TF: variants seen among roughly 807,000 people sequenced by gnomAD.
The protein encoded by TF is transferrin.
TF carries 55 observed loss-of-function variants against 82.4 expected under a neutral mutation model. That is an observed-to-expected ratio of 0.67 (90% CI 0.54 to 0.84). TF has a LOEUF of 0.84. Among genes scored for constraint, TF ranks in the 40% least tolerant of loss-of-function variants. TF has a pLI of 0.00. For synonymous variants in TF, 332 were observed against 332.6 expected, an observed-to-expected ratio of 1.00 and a Z score of 0.02; for missense variants, 737 against 868.4, an observed-to-expected ratio of 0.85 and a Z score of 1.90.
the TF span, among the ~76,000 whole-genome samples, chr3:133,695,645 T>C: frequency 3.9e-5 from 6 of 152,210 alleles, no homozygotes; most frequent in Non-Finnish European, 7.3e-5. Flanking sequence ...AGCTCATTAA[T>C]GCCACAGGAG....
At chr3:133,711,600 C>A in the TF span, among the ~76,000 whole-genome samples, 3 of 152,232 alleles carry the variant, frequency 2.0e-5, no homozygotes, top group South Asian at 6.2e-4. Context: ...TCTCCCTCCC[C>A]TTTGTGCTCC....
At chr3:133,749,985 G>T (rs7628133) in intron 2 of TF, among the ~76,000 whole-genome samples, 3,607 of 152,252 alleles carry the variant, frequency 0.024, 147 homozygotes, top group African/African-American at 0.082. Context: ...CAGTTCTCTC[G>T]ATTAGGACTC....
chr3:133,793,925 C>T lies in TF; in HGVS notation c.*15305C>T, dbSNP rs922897957. 2 of 152,064 alleles carry T rather than the reference C, an allele frequency of 1.3e-5. No individual in the cohort carries two copies. The highest frequency in any genetic ancestry group is 2.4e-5 in the African/African-American group (1 of 41,418). 9.4% of individuals were successfully genotyped at this position (152,064 alleles called of 1,614,324 possible). On this transcript the variant is annotated 3_prime_UTR_variant, in exon 17 of 17. Transcript: ENST00000402696. ...TGACTGAGTTCTAAAACTGCTAACCCAAGTAGAACAAAAATTAATTAAATA... is the reference window on the plus strand; with the variant it reads ...TGACTGAGTTCTAAAACTGCTAACCTAAGTAGAACAAAAATTAATTAAATA...
At chr3:133,694,198 T>C in the TF span, 6 of 152,934 alleles carry the variant, frequency 3.9e-5, no homozygotes, top group East Asian at 1.9e-4. Flanking sequence ...CTGGGGTCCA[T>C]GTCTCTGTGT....
At chr3:133,692,837 G>C in the TF span, 1 of 155,480 alleles carries the variant, frequency 6.4e-6, no homozygotes, top group Non-Finnish European at 1.4e-5. Flanking sequence ...AGCTGAGCCA[G>C]CTCCAAGGCA....
At chr3:133,669,007 C>CTT in the TF span, among the ~76,000 whole-genome samples, 27 of 151,240 alleles carry the variant, frequency 1.8e-4, no homozygotes, top group African/African-American at 6.1e-4. Flanking sequence ...TTTCTTTTTT[C>CTT]TTTTTTTTTC....
chr3:133,754,386 G>T lies in TF; in HGVS notation c.326-109G>T, dbSNP rs1486864196. ...TCCCCACTCCTTATCGCCCAGTCCA[G>T]TAAAAGCATGGCCTCTCCGCTCCCC... is the stretch of plus-strand genomic sequence containing the variant. On this transcript the variant is annotated intron_variant, in intron 3 of 16. Coordinates refer to ENST00000402696, the MANE Select transcript of TF (RefSeq NM_001063.4). The T allele has an allele frequency of 1.1e-5, 13 of 1,176,266 alleles. No individual in the cohort carries two copies. The East Asian group carries it at 3.0e-4, about 28-fold the overall frequency. The allele number at this position is 1,176,266 out of a possible 1,614,324, so 72.9% of individuals were successfully genotyped here. A position where few individuals can be genotyped will look rare whatever the true frequency, so the allele number is the denominator to read the frequency against.
Position 133,789,879 on chromosome 3 carries a change from G to GTTTTTTTTT in TF, c.*11280_*11288dup, listed in dbSNP as rs56267966. 4.0e-4 allele frequency: 36 copies of GTTTTTTTTT among 88,962 alleles called. 2 individuals are homozygous for GTTTTTTTTT. Among genetic ancestry groups the GTTTTTTTTT allele is most frequent in the African/African-American group, 5.5e-4 (10 of 18,256 alleles). 5.5% of individuals were successfully genotyped at this position (88,962 alleles called of 1,614,324 possible). On this transcript the variant is annotated 3_prime_UTR_variant, in exon 17 of 17. Coordinates refer to ENST00000402696, the MANE Select transcript of TF (RefSeq NM_001063.4). ...GCCAAAACAAAACGATCTCGTTTGCGTTTTTTTTTTTTTTTTTTTTTTTTT... is the reference window on the plus strand; with the variant it reads ...GCCAAAACAAAACGATCTCGTTTGCGTTTTTTTTTTTTTTTTTTTTTTTTTTTTTTTTTT...
chr3:133,691,133 C>T, the TF span, among the ~76,000 whole-genome samples: 91,290 of 151,976 alleles, frequency 0.6, 28,214 homozygotes, highest in African/African-American at 0.75. Context: ...AAATGTCAGT[C>T]AATAAATGAA....
At chr3:133,669,563 G>A in the TF span, among the ~76,000 whole-genome samples, 2 of 151,938 alleles carry the variant, frequency 1.3e-5, no homozygotes. Flanking sequence ...TGTCACATCC[G>A]AGCTTGATCC....
chr3:133,782,967 T>C lies in TF; in HGVS notation c.*4347T>C, dbSNP rs1251256237. 1 of 152,092 alleles carries C rather than the reference T, an allele frequency of 6.6e-6. No individual in the cohort carries two copies. The highest frequency in any genetic ancestry group is 1.5e-5 in the Non-Finnish European group (1 of 68,058). The allele number at this position is 152,092 out of a possible 1,614,324, so 9.4% of individuals were successfully genotyped here. A position where few individuals can be genotyped will look rare whatever the true frequency, so the allele number is the denominator to read the frequency against. ...GGGAGGTCGAGGCTGCAGTGAGCAGTGATTTGATCGTGCCACTGCACTCCA... is the reference window on the plus strand; with the variant it reads ...GGGAGGTCGAGGCTGCAGTGAGCAGCGATTTGATCGTGCCACTGCACTCCA... On this transcript the variant is annotated 3_prime_UTR_variant, in exon 17 of 17. Transcript: ENST00000402696.
At chr3:133,748,148 A>G (rs1933556299) in intron 1 of TF, 2 of 528,716 alleles carry the variant, frequency 3.8e-6, no homozygotes, top group South Asian at 2.0e-5. Context: ...GCAGATTGTC[A>G]TCTCCAGCTG....
chr3:133,742,707 C>T (rs1800276), upstream of TF, among the ~76,000 whole-genome samples: 7,373 of 152,192 alleles, frequency 0.048, 203 homozygotes, highest in South Asian at 0.13. Context: ...GGGTGGGGGA[C>T]AGGAGGAACT....
chr3:133,732,212 G>GA, the TF span, among the ~76,000 whole-genome samples: 1 of 152,234 alleles, frequency 6.6e-6, no homozygotes, highest in African/African-American at 2.4e-5. Flanking sequence ...ATAACTCTAT[G>GA]AAGCAGGCAT....
At chr3:133,724,937 C>G in the TF span, among the ~76,000 whole-genome samples, 6 of 152,038 alleles carry the variant, frequency 3.9e-5, no homozygotes, top group Admixed American at 1.3e-4. Context: ...GCTTGTTTTT[C>G]TCAGGTTTGT....
At chr3:133,698,306 C>T in the TF span, among the ~76,000 whole-genome samples, 3 of 152,154 alleles carry the variant, frequency 2.0e-5, no homozygotes, top group South Asian at 6.2e-4. Flanking sequence ...GTGCCAAGAA[C>T]CTGGACAACT....
chr3:133,736,341 T>G, the TF span, among the ~76,000 whole-genome samples: 67 of 152,198 alleles, frequency 4.4e-4, no homozygotes, highest in South Asian at 1.5e-3. Context: ...TACCAGCCAC[T>G]GCAAAAACAT....
chr3:133,667,072 G>T, the TF span, among the ~76,000 whole-genome samples: 1 of 152,078 alleles, frequency 6.6e-6, no homozygotes, highest in Non-Finnish European at 1.5e-5. Context: ...GCCGGATGCA[G>T]TGGCTCACAC....
Position 133,755,899 on chromosome 3 carries a change from C to G in TF, c.636-383C>G, listed in dbSNP as rs139911656. 6 of 429,352 alleles carry G rather than the reference C, an allele frequency of 1.4e-5. No individual in the cohort carries two copies. In the East Asian group the frequency reaches 2.9e-4, roughly 21 times the overall value. 26.6% of individuals were successfully genotyped at this position (429,352 alleles called of 1,614,324 possible). A position where few individuals can be genotyped will look rare whatever the true frequency, so the allele number is the denominator to read the frequency against. ...GCCTGTCTCCTGCCCCCATCACCGT[C>G]TCTATCTGGGAAGCTGATTTCTTGC... On this transcript the variant is annotated intron_variant, in intron 5 of 16. Coordinates refer to ENST00000402696, the MANE Select transcript of TF (RefSeq NM_001063.4).
Sources: gnomAD v4.1 joint callset for allele counts (sites outside exome capture counted in the v4.1 genomes callset) on GRCh38, gnomAD v4.1.1 for gene constraint, MANE v1.5 for transcripts, NCBI Gene and HGNC (gene_info 2026-07-23, HGNC 2026-07-21) for gene names.